Variants in STEAP2 observed in about 807,000 individuals in gnomAD.
The protein encoded by STEAP2 is metalloreductase STEAP2.
In STEAP2, 30 loss-of-function variants were observed where a neutral mutation model predicts 46.4. The observed-to-expected ratio is 0.65, with a 90% CI of 0.48 to 0.88. The LOEUF is 0.88. Ranked by LOEUF, STEAP2 falls within the 40% of genes least tolerant of loss-of-function variation. The pLI is 0.00. For synonymous variants in STEAP2, 180 were observed against 200.5 expected, an observed-to-expected ratio of 0.90 and a Z score of 0.86; for missense variants, 513 against 579.3, an observed-to-expected ratio of 0.89 and a Z score of 1.18.
chr7:90,228,630 G>T (rs973926740), intron 4 of STEAP2, among the ~76,000 whole-genome samples: 1 of 151,996 alleles, frequency 6.6e-6, no homozygotes, highest in African/African-American at 2.4e-5. Context: ...TAACACACTT[G>T]ATTTCCATGT....
chr7:90,221,213 G>T (rs11971979), intron 2 of STEAP2, among the ~76,000 whole-genome samples: 1 of 152,038 alleles, frequency 6.6e-6, no homozygotes, highest in African/African-American at 2.4e-5. Context: ...GCTGGCAGGC[G>T]GTGTTGAAGT....
At chr7:90,226,617 A>C (rs1037276883) in intron 3 of STEAP2, among the ~76,000 whole-genome samples, 1 of 152,184 alleles carries the variant, frequency 6.6e-6, no homozygotes, top group African/African-American at 2.4e-5. Context: ...AAATATTTCT[A>C]TGTGGTCTAT....
In STEAP2 at chr7:90,224,862, C is replaced by A. The variant is rs551938556; in HGVS notation, c.-33-188C>A. On this transcript the variant is annotated intron_variant, in intron 2 of 5. Transcript: ENST00000394621. ...TCCTATTGAGATGCTTTTTTAAAAG[C>A]CAAAAGATTTATGAAGAGAAACCAG... 2.2e-4 allele frequency among the ~76,000 whole-genome samples: 33 copies of A among 152,194 alleles called. No homozygotes were observed. In the South Asian group the frequency reaches 5.8e-3, roughly 27 times the overall value.
At chr7:90,230,108 A>G in intron 5 of STEAP2, 72 bp downstream of exon 5, 1 of 1,557,956 alleles carries the variant, frequency 6.4e-7, no homozygotes, top group Non-Finnish European at 8.7e-7. Context: ...TGCATTTTAA[A>G]TATGTTCCTT....
chr7:90,240,672 T>G (rs1796050143), downstream of STEAP2, among the ~76,000 whole-genome samples: 1 of 152,202 alleles, frequency 6.6e-6, no homozygotes, highest in African/African-American at 2.4e-5. The surrounding 1 kb of genome is among the most constrained non-coding windows in gnomAD (Gnocchi z 4.1). Context: ...ATTTTTAGCT[T>G]TCTTTGTTAC....
chr7:90,213,945 G>A (rs1011360699), intron 1 of STEAP2: 4 of 152,176 alleles, frequency 2.6e-5, no homozygotes, highest in Admixed American at 6.5e-5. Flanking sequence ...GAGGGGAAGC[G>A]GGGACTAACT....
In STEAP2 at chr7:90,229,949, G is replaced by A. The variant is rs766208606; in HGVS notation, c.1098G>A (p.Met366Ile). Residue 366 changes from methionine to isoleucine, a missense_variant, in exon 5 of 6, where the codon ATG becomes ATA. Physicochemically the swap from Met to Ile is conservative, Grantham distance 10 (BLOSUM62 1). Coordinates refer to ENST00000394621, the MANE Select transcript of STEAP2 (RefSeq NM_001244944.2). ...AAATGTATATCTCCTTTGGCATAAT[G>A]AGCCTTGGCTTACTTTCCCTCCTGG... Reference protein sequence around the residue: ...RIEMYISFGIMSLGLLSLLAV... With the variant: ...RIEMYISFGIISLGLLSLLAV... The A allele has an allele frequency of 1.9e-6, 3 of 1,613,624 alleles. No homozygotes were observed. The highest frequency in any genetic ancestry group is 1.7e-6 in the Non-Finnish European group (2 of 1,179,612).
In STEAP2 at chr7:90,232,571, G is replaced by C. The variant is rs922737012; in HGVS notation, c.1420G>C (p.Gly474Arg). The change falls in exon 6 of 6, where the codon GGT (glycine) becomes CGT (arginine). Residue 474 changes from glycine to arginine, a missense_variant. Transcript: ENST00000394621. ...GWEKSQFLEE[G>R]MGGTIPHVSP... ...GGAAAAGAGCCAATTTCTGGAAGAA[G>C]GTATGGGAGGAACAATTCCTCATGT... 23 of 1,613,290 alleles carry C rather than the reference G, an allele frequency of 1.4e-5. No homozygotes were observed. The highest frequency in any genetic ancestry group is 1.9e-5 in the Non-Finnish European group (23 of 1,179,570).
chr7:90,237,956 A>G, downstream of STEAP2: 1 of 645,618 alleles, frequency 1.5e-6, no homozygotes, highest in Non-Finnish European at 2.8e-6. Flanking sequence ...ATCTAGTATA[A>G]TGTGATCTAT....
Position 90,233,055 on chromosome 7 carries a change from A to G in STEAP2, c.*431A>G. 2.1e-6 allele frequency: 2 copies of G among 975,134 alleles called. No homozygotes were observed. The highest frequency in any genetic ancestry group is 1.2e-6 in the Non-Finnish European group (1 of 820,448). 60.4% of individuals were successfully genotyped at this position (975,134 alleles called of 1,614,324 possible). On this transcript the variant is annotated 3_prime_UTR_variant, in exon 6 of 6. Transcript: ENST00000394621. ...TATTCAACTTAAAAAGTAGAAATGC[A>G]TTATTATACATTTTTTTAAGAAAGG...
Position 90,236,678 on chromosome 7 carries a change from A to G in STEAP2, c.*4054A>G, listed in dbSNP as rs1795970591. The G allele has an allele frequency of 7.7e-7, 1 of 1,304,422 alleles. No homozygotes were observed. The allele number at this position is 1,304,422 out of a possible 1,614,324, so 80.8% of individuals were successfully genotyped here. ...TTTTCAGAGATTCTTTCCATATGTTACTAAAAAATGTTTTGTTCAGCCTAA... is the reference window on the plus strand; with the variant it reads ...TTTTCAGAGATTCTTTCCATATGTTGCTAAAAAATGTTTTGTTCAGCCTAA... On this transcript the variant is annotated 3_prime_UTR_variant, in exon 6 of 6. Transcript: ENST00000394621.
Position 90,234,775 on chromosome 7 carries a change from G to T in STEAP2, c.*2151G>T. 2 of 650,894 alleles carry T rather than the reference G, an allele frequency of 3.1e-6. No individual in the cohort carries two copies. Among genetic ancestry groups the T allele is most frequent in the Non-Finnish European group, 3.8e-6 (2 of 525,020 alleles). 40.3% of individuals were successfully genotyped at this position (650,894 alleles called of 1,614,324 possible). ...TCACCGTGTTAGCCAGGATGGTCTC[G>T]ATCTCCTGACCTCGTGATCCGCCCG... On this transcript the variant is annotated 3_prime_UTR_variant, in exon 6 of 6. Coordinates refer to ENST00000394621, the MANE Select transcript of STEAP2 (RefSeq NM_001244944.2).
chr7:90,219,267 C>G (rs79604775), intron 2 of STEAP2, among the ~76,000 whole-genome samples: 1 of 151,962 alleles, frequency 6.6e-6, no homozygotes, highest in Non-Finnish European at 1.5e-5. Context: ...AGTTTGGGTA[C>G]CTTTTATTCT....
At chr7:90,241,589 C>T (rs1796061965), downstream of STEAP2, among the ~76,000 whole-genome samples, 1 of 152,202 alleles carries the variant, frequency 6.6e-6, no homozygotes. Flanking sequence ...CCTTGGGCCT[C>T]ACCCAGACTT....
chr7:90,215,860 G>C (rs575109894), intron 1 of STEAP2: 19 of 152,206 alleles, frequency 1.2e-4, no homozygotes, highest in African/African-American at 4.1e-4. Context: ...CGCGATCTTG[G>C]CTCCCTGGTT....
In STEAP2 at chr7:90,225,556, T is replaced by A. The variant is rs1219352571; in HGVS notation, c.474T>A (p.Pro158=). The A allele has an allele frequency of 1.3e-6, 2 of 1,596,216 alleles. No individual in the cohort carries two copies. The highest frequency in any genetic ancestry group is 8.5e-7 in the Non-Finnish European group (1 of 1,173,362). The change falls in exon 3 of 6, where the codon CCT becomes CCA. Residue 158 remains proline, a synonymous_variant. Transcript: ENST00000394621. ...CAGCTTGGGCACTTCAGTTAGGACC[T>A]AAGGATGCCAGCCGGCAGGTATGTA... The part of the protein sequence containing the change: ...VVSAWALQLG[P]KDASRQVYIC...
rs771135611 is a variant in STEAP2 at position 90,232,665 on chromosome 7, A to G, written c.*41A>G. 9.9e-6 allele frequency: 15 copies of G among 1,522,094 alleles called. No individual in the cohort carries two copies. In the African/African-American group the frequency reaches 1.4e-4, roughly 14 times the overall value. 94.3% of individuals were successfully genotyped at this position (1,522,094 alleles called of 1,614,324 possible). A position where few individuals can be genotyped will look rare whatever the true frequency, so the allele number is the denominator to read the frequency against. On this transcript the variant is annotated 3_prime_UTR_variant, in exon 6 of 6. Coordinates refer to ENST00000394621, the MANE Select transcript of STEAP2 (RefSeq NM_001244944.2). ...ACAGCTGCCATATAAAGTTCTACTC[A>G]TGCCATTATTTTTATGACTTCTACG... is the stretch of plus-strand genomic sequence containing the variant.
intron 2 of STEAP2, among the ~76,000 whole-genome samples, chr7:90,220,327 A>G (rs1795201407): frequency 6.6e-6 from 1 of 152,092 alleles, no homozygotes; most frequent in African/African-American, 2.4e-5. Flanking sequence ...TGGTCTGTCC[A>G]GGTTTTCCAT....
At chr7:90,219,366 T>C (rs1355120716) in intron 2 of STEAP2, among the ~76,000 whole-genome samples, 1 of 152,136 alleles carries the variant, frequency 6.6e-6, no homozygotes, top group Non-Finnish European at 1.5e-5. Flanking sequence ...TTTCTGTTCA[T>C]AGAGGAAAGG....
Sources: allele counts gnomAD v4.1 joint callset (sites outside exome capture counted in the v4.1 genomes callset), GRCh38; gene constraint gnomAD v4.1.1; non-coding constraint Gnocchi (gnomAD v3.1); transcripts MANE v1.5; gene names NCBI Gene and HGNC (gene_info 2026-07-23, HGNC 2026-07-21).